Variants in C19orf25 observed in about 807,000 individuals in gnomAD.
C19orf25 encodes the protein UPF0449 protein C19orf25.
Under a neutral mutation model 3.1 loss-of-function variants are expected in C19orf25, and 1 was observed. The ratio of observed to expected loss-of-function variants is 0.32; its 90% CI spans 0.12 to 1.54. The LOEUF (loss-of-function observed/expected upper bound fraction) is 1.54. Among genes scored for constraint, C19orf25 ranks in the 40% most tolerant of loss-of-function variants. The probability of loss-of-function intolerance (pLI) is 0.38; values close to 1 mark genes in which losing one functional copy is unlikely to be tolerated. For missense variants in C19orf25, 196 were observed against 160.4 expected (o/e 1.22, Z -1.20); for synonymous variants, 91 against 74.3 (o/e 1.23, Z -1.16).
At position 1,475,103 on chromosome 19, in the gene C19orf25, C is replaced by A; in HGVS notation, c.286G>T (p.Asp96Tyr). The change falls in exon 3 of 3, where the codon GAC (aspartate) becomes TAC (tyrosine). Residue 96 changes from aspartate (D) to tyrosine (Y), a missense_variant. Coordinates refer to ENST00000585675, the MANE Select transcript of C19orf25 (RefSeq NM_152482.3). ...ATCTGGGCCACCTCCCGCTCCAGGT[C>A]CTCGCCGGCTCGCTGCAGGAGCTCA... ...RCELLQRAGE[D>Y]LEREVAQMKQ... 2 of 1,605,938 alleles carry A rather than the reference C, an allele frequency of 1.2e-6. No individual in the cohort carries two copies. The highest frequency in any genetic ancestry group is 1.7e-6 in the Non-Finnish European group (2 of 1,177,202).
At position 1,474,847 on chromosome 19, in the gene C19orf25, G is replaced by T. The variant is rs1163606927; in HGVS notation, c.*185C>A. On this transcript the variant is annotated 3_prime_UTR_variant, in exon 3 of 3. Coordinates refer to ENST00000585675, the MANE Select transcript of C19orf25 (RefSeq NM_152482.3). ...ACGCAGGACGGAGCCAGCTGGGTGG[G>T]TCCCACCAACTCGGCATGAATGAGA... is the stretch of plus-strand genomic sequence containing the variant. 7 of 1,472,486 alleles carry T rather than the reference G, an allele frequency of 4.8e-6. No individual in the cohort carries two copies. Among genetic ancestry groups the T allele is most frequent in the Non-Finnish European group, 6.3e-6 (7 of 1,112,226 alleles). 91.2% of individuals were successfully genotyped at this position (1,472,486 alleles called of 1,614,324 possible). A position where few individuals can be genotyped will look rare whatever the true frequency, so the allele number is the denominator to read the frequency against.
At chr19:1,476,284 T>G (rs2084204840) in intron 2 of C19orf25, 2 of 398,470 alleles carry the variant, frequency 5.0e-6, no homozygotes, top group African/African-American at 4.1e-5. Context: ...TCAAATCACC[T>G]CTGTCATCAC....
In C19orf25 at chr19:1,478,696, T is replaced by C. The variant is rs573794585; in HGVS notation, c.130+78A>G. ...GGTTCCCAGGGCGTGGGGTCAGGAGTTAGGGGTGTGCTTCTCTCCCGTCCC... is the reference window on the plus strand; with the variant it reads ...GGTTCCCAGGGCGTGGGGTCAGGAGCTAGGGGTGTGCTTCTCTCCCGTCCC... On this transcript the variant is annotated intron_variant, in intron 2 of 2. Transcript: ENST00000585675. The C allele has an allele frequency of 4.1e-5, 63 of 1,526,626 alleles. No individual in the cohort carries two copies. The African/African-American group carries it at 7.5e-4, about 18-fold the overall frequency. 94.6% of individuals were successfully genotyped at this position (1,526,626 alleles called of 1,614,324 possible).
At chr19:1,478,668 G>C in intron 2 of C19orf25, 106 bp downstream of exon 2, 1 of 1,509,344 alleles carries the variant, frequency 6.6e-7, no homozygotes, top group African/African-American at 1.4e-5. Flanking sequence ...CCCATGTTGC[G>C]GGGGTTCCCA....
In C19orf25 at chr19:1,475,200, G is replaced by T; in HGVS notation, c.189C>A (p.Tyr63Ter). Residue 63 changes from tyrosine (Y) to a stop codon, truncating the protein, a stop_gained, in exon 3 of 3, where the codon TAC becomes TAA. Coordinates refer to ENST00000585675, the MANE Select transcript of C19orf25 (RefSeq NM_152482.3). LOFTEE classifies it low-confidence loss of function (END_TRUNC). ...CAGCCACGTAGGCCCGGCTTTGCTG[G>T]TAGAGCTGCTCTCCCGGGGCCTCCG... ...EDAEAPGEQL[Y>*]QQSRAYVAAN... The T allele has an allele frequency of 6.4e-7, 1 of 1,567,850 alleles. No homozygotes were observed. Among genetic ancestry groups the T allele is most frequent in the Non-Finnish European group, 8.6e-7 (1 of 1,157,492 alleles).
intron 2 of C19orf25, among the ~76,000 whole-genome samples, chr19:1,477,571 C>T (rs2084218042): frequency 6.6e-6 from 1 of 152,226 alleles, no homozygotes; most frequent in Admixed American, 6.5e-5. Flanking sequence ...GGAGTCTCTG[C>T]TCCCACTACT....
intron 1 of C19orf25, 109 bp from the exon 2 acceptor site, chr19:1,479,014 G>A (rs1355003970): frequency 2.8e-6 from 4 of 1,418,178 alleles, no homozygotes; most frequent in Admixed American, 6.0e-5. Context: ...TCCCGCTCCC[G>A]GGGAAGCCCG....
intron 2 of C19orf25, among the ~76,000 whole-genome samples, chr19:1,477,737 T>C (rs982985791): frequency 7.2e-5 from 11 of 152,178 alleles, no homozygotes; most frequent in African/African-American, 2.7e-4. Context: ...TTTAAAAATG[T>C]GAAGTCCATT....
intron 2 of C19orf25, chr19:1,478,533 G>GA (rs1321485546): frequency 8.0e-7 from 1 of 1,251,276 alleles, no homozygotes; most frequent in Non-Finnish European, 1.0e-6. Flanking sequence ...CTCATCCTCC[G>GA]AAAGTGCTGG....
chr19:1,477,245 G>A (rs527499283), intron 2 of C19orf25, among the ~76,000 whole-genome samples: 112 of 151,668 alleles, frequency 7.4e-4, no homozygotes, highest in Non-Finnish European at 1.4e-3. Flanking sequence ...CAAATGATCC[G>A]CCCACCTCAG....
chr19:1,479,105 T>G (rs1864562120), intron 1 of C19orf25, 58 bp downstream of exon 1: 1 of 1,338,032 alleles, frequency 7.5e-7, no homozygotes, highest in Non-Finnish European at 9.5e-7. Flanking sequence ...CTTCAGGGTC[T>G]GGCTCAACCT....
intron 2 of C19orf25, chr19:1,476,382 C>T: frequency 2.5e-6 from 1 of 398,204 alleles, no homozygotes; most frequent in Non-Finnish European, 4.4e-6. Flanking sequence ...CCCCCCGTCC[C>T]CCGCACAGCG....
At chr19:1,478,621 A>T (rs1459832093) in intron 2 of C19orf25, 153 bp downstream of exon 2, 9 of 1,431,010 alleles carry the variant, frequency 6.3e-6, no homozygotes, top group Non-Finnish European at 7.3e-6. Flanking sequence ...CACTCTACGG[A>T]GGAGTAGAGG....
Position 1,474,621 on chromosome 19 carries a change from A to C in C19orf25, c.*411T>G. On this transcript the variant is annotated 3_prime_UTR_variant, in exon 3 of 3. Transcript: ENST00000585675. ...CTGACATTGGGTGGGCACTCGCTGG[A>C]TGGAATCACAGTTAACACCTCGATC... is the stretch of plus-strand genomic sequence containing the variant. 1 of 503,938 alleles carries C rather than the reference A, an allele frequency of 2.0e-6. No homozygotes were observed. The highest frequency in any genetic ancestry group is 3.3e-6 in the Non-Finnish European group (1 of 298,652). 31.2% of individuals were successfully genotyped at this position (503,938 alleles called of 1,614,324 possible). A position where few individuals can be genotyped will look rare whatever the true frequency, so the allele number is the denominator to read the frequency against.
Position 1,474,688 on chromosome 19 carries a change from C to T in C19orf25, c.*344G>A, listed in dbSNP as rs1159850316. On this transcript the variant is annotated 3_prime_UTR_variant, in exon 3 of 3. Coordinates refer to ENST00000585675, the MANE Select transcript of C19orf25 (RefSeq NM_152482.3). ...GAAGTGGACAGGCGAGTGCCTGCCC[C>T]GGGAGAGGAAGGAGGTGGCACCTGC... 3.3e-5 allele frequency: 31 copies of T among 944,776 alleles called. No individual in the cohort carries two copies. Among genetic ancestry groups the T allele is most frequent in the Non-Finnish European group, 4.2e-5 (28 of 662,504 alleles). 58.5% of individuals were successfully genotyped at this position (944,776 alleles called of 1,614,324 possible).
Position 1,479,215 on chromosome 19 carries a change from C to A in C19orf25, c.-55G>T. On this transcript the variant is annotated 5_prime_UTR_variant, in exon 1 of 3. Transcript: ENST00000585675. ...TCGACGACGCAGCCACTTCCGATTCCGGTCGGAGCACCGCCCCGTCCCCGA... is the reference window on the plus strand; with the variant it reads ...TCGACGACGCAGCCACTTCCGATTCAGGTCGGAGCACCGCCCCGTCCCCGA... 1 of 1,225,720 alleles carries A rather than the reference C, an allele frequency of 8.2e-7. No individual in the cohort carries two copies. 75.9% of individuals were successfully genotyped at this position (1,225,720 alleles called of 1,614,324 possible).
At chr19:1,476,341 G>A (rs900769217) in intron 2 of C19orf25, 4 of 398,760 alleles carry the variant, frequency 1.0e-5, no homozygotes, top group African/African-American at 8.2e-5. Flanking sequence ...CCTGGATGAA[G>A]GCACAGGAGG....
chr19:1,475,270 C>G lies in C19orf25; in HGVS notation c.131-12G>C, dbSNP rs2084193886. On this transcript the variant is annotated splice_polypyrimidine_tract_variant and intron_variant, in intron 2 of 2. Transcript: ENST00000585675. The stretch of plus-strand genomic sequence containing the variant: ...GGGAACTGGGGGGTCTGAGACAGGA[C>G]ACAGCAGCATCACTGCCTGCTGACC... 1.3e-6 allele frequency: 2 copies of G among 1,536,022 alleles called. No individual in the cohort carries two copies. The highest frequency in any genetic ancestry group is 8.8e-7 in the Non-Finnish European group (1 of 1,136,116).
In C19orf25 at chr19:1,474,544, C is replaced by G. The variant is rs551989035; in HGVS notation, c.*488G>C. 4 of 359,662 alleles carry G rather than the reference C, an allele frequency of 1.1e-5. No homozygotes were observed. The highest frequency in any genetic ancestry group is 2.0e-5 in the Non-Finnish European group (4 of 198,818). 22.3% of individuals were successfully genotyped at this position (359,662 alleles called of 1,614,324 possible). On this transcript the variant is annotated 3_prime_UTR_variant, in exon 3 of 3. Coordinates refer to ENST00000585675, the MANE Select transcript of C19orf25 (RefSeq NM_152482.3). ...ATCAACGTGGCTTGTGGGAGGAGCC[C>G]GGGGCCCAGAAGGAAGTGGGGTCAG...
Sources: gnomAD v4.1 joint callset for allele counts (sites outside exome capture counted in the v4.1 genomes callset) on GRCh38, gnomAD v4.1.1 for gene constraint, MANE v1.5 for transcripts, NCBI Gene and HGNC (gene_info 2026-07-23, HGNC 2026-07-21) for gene names.